TMEM168: variants seen among roughly 807,000 people sequenced by gnomAD.
TMEM168 encodes the protein transmembrane protein 168.
Under a neutral mutation model 53.2 loss-of-function variants are expected in TMEM168, and 40 were observed. The observed-to-expected ratio is 0.75, with a 90% CI of 0.58 to 0.98. The LOEUF is 0.98. TMEM168 is among the 50% of genes least tolerant of loss of function. The pLI is 0.00. For missense variants in TMEM168, 771 were observed against 828.8 expected (o/e 0.93, Z 0.86); for synonymous variants, 282 against 293.0 (o/e 0.96, Z 0.38).
intron 1 of TMEM168, among the ~76,000 whole-genome samples, chr7:112,787,432 T>A (rs1463369644): frequency 6.6e-6 from 1 of 152,032 alleles, no homozygotes; most frequent in African/African-American, 2.4e-5. Context: ...CAGGCTGGAG[T>A]GCAATGGCAG....
At chr7:112,781,834 A>G (rs570677529) in intron 2 of TMEM168, among the ~76,000 whole-genome samples, 1 of 152,288 alleles carries the variant, frequency 6.6e-6, no homozygotes, top group South Asian at 2.1e-4. Context: ...GAATTCTTAG[A>G]TAAGATACTA....
rs1792699732 is a variant in TMEM168, at chr7:112,763,160, CTA to C, written c.*4035_*4036del. On this transcript the variant is annotated 3_prime_UTR_variant, in exon 5 of 5. Transcript: ENST00000312814. ...AAAAGCCATTTTTTGGCAACATCAGCTATGTTTTCATTCAAACCAGTTCTGAA... is the reference window on the plus strand; with the variant it reads ...AAAAGCCATTTTTTGGCAACATCAGCTGTTTTCATTCAAACCAGTTCTGAA... The C allele has an allele frequency of 6.6e-6, 1 of 152,076 alleles. No individual in the cohort carries two copies. The highest frequency in any genetic ancestry group is 2.4e-5 in the African/African-American group (1 of 41,438). 9.4% of individuals were successfully genotyped at this position (152,076 alleles called of 1,614,324 possible).
At position 112,765,628 on chromosome 7, in the gene TMEM168, G is replaced by A. The variant is rs952082599; in HGVS notation, c.*1569C>T. On this transcript the variant is annotated 3_prime_UTR_variant, in exon 5 of 5. Coordinates refer to ENST00000312814, the MANE Select transcript of TMEM168 (RefSeq NM_022484.6). ...CTAATATAAATCCTTAACCTATAATGGAAACTTCCAAACATGAACTCTAAA... is the reference window on the plus strand; with the variant it reads ...CTAATATAAATCCTTAACCTATAATAGAAACTTCCAAACATGAACTCTAAA... The A allele has an allele frequency of 6.6e-6, 1 of 151,808 alleles. No homozygotes were observed. The highest frequency in any genetic ancestry group is 2.4e-5 in the African/African-American group (1 of 41,298). 9.4% of individuals were successfully genotyped at this position (151,808 alleles called of 1,614,324 possible).
At position 112,775,274 on chromosome 7, in the gene TMEM168, T is replaced by A. The variant is rs147011411; in HGVS notation, c.1173A>T (p.Pro391=). 1 of 1,613,566 alleles carries A rather than the reference T, an allele frequency of 6.2e-7. No homozygotes were observed. The highest frequency in any genetic ancestry group is 8.5e-7 in the Non-Finnish European group (1 of 1,179,816). The change falls in exon 3 of 5, where the codon CCA becomes CCT. Residue 391 remains proline (P), a synonymous_variant. Transcript: ENST00000312814. ...IFLSMFLIVL[P]LESMAHGLFH... Reference sequence around the variant, plus strand: ...AGAGCCCATGAGCCATGGATTCCAATGGCAAAACGATTAGAAACATGCTCA... The same window carrying A: ...AGAGCCCATGAGCCATGGATTCCAAAGGCAAAACGATTAGAAACATGCTCA...
In TMEM168 at chr7:112,764,953, G is replaced by A. The variant is rs147372216; in HGVS notation, c.*2244C>T. On this transcript the variant is annotated 3_prime_UTR_variant, in exon 5 of 5. Coordinates refer to ENST00000312814, the MANE Select transcript of TMEM168 (RefSeq NM_022484.6). ...GCCTCCCAAGTAGCTGGGATTACAG[G>A]CACCTGCCACCATGCCCGGCTAATA... 0.014 allele frequency: 2,127 copies of A among 152,292 alleles called. 26 individuals are homozygous for A. Among genetic ancestry groups the A allele is most frequent in the Non-Finnish European group, 0.021 (1,443 of 68,108 alleles). 9.4% of individuals were successfully genotyped at this position (152,292 alleles called of 1,614,324 possible).
At chr7:112,786,112 G>C (rs1331641282) in intron 1 of TMEM168, among the ~76,000 whole-genome samples, 1 of 152,188 alleles carries the variant, frequency 6.6e-6, no homozygotes, top group Non-Finnish European at 1.5e-5. Context: ...TGAGACAGGA[G>C]AATCGCTTGA....
rs778988222 is a variant in TMEM168, at chr7:112,772,907, A to G, written c.1420T>C (p.Phe474Leu). The G allele has an allele frequency of 3.1e-6, 5 of 1,614,110 alleles. No individual in the cohort carries two copies. The South Asian group carries it at 5.5e-5, about 18-fold the overall frequency. The part of the protein sequence containing the change: ...GCDYSTSGLS[F>L]DTLHSKLKAF... The stretch of plus-strand genomic sequence containing the variant: ...TTTAGTTTGGAATGCAGAGTATCAA[A>G]TGACAGTCCACTTGTGGAATAGTCA... The change falls in exon 4 of 5, where the codon TTT becomes CTT. Residue 474 changes from phenylalanine to leucine, a missense_variant. Physicochemically the swap from Phe to Leu is conservative, Grantham distance 22. Transcript: ENST00000312814.
intron 2 of TMEM168, among the ~76,000 whole-genome samples, chr7:112,777,884 T>C (rs1314185391): frequency 7.0e-6 from 1 of 142,576 alleles, no homozygotes; most frequent in Non-Finnish European, 1.5e-5. Flanking sequence ...TTGCTCTTGG[T>C]GCTGTGTGTG....
At chr7:112,774,646 T>C (rs1293864278) in intron 3 of TMEM168, among the ~76,000 whole-genome samples, 1 of 151,648 alleles carries the variant, frequency 6.6e-6, no homozygotes, top group Non-Finnish European at 1.5e-5. Context: ...AATGGCCCTA[T>C]CTCAGCTCAC....
chr7:112,776,377 A>G (rs1394459844), intron 2 of TMEM168, among the ~76,000 whole-genome samples: 1 of 152,080 alleles, frequency 6.6e-6, no homozygotes, highest in Non-Finnish European at 1.5e-5. Context: ...TGAAAAGAAA[A>G]TGGATAGTCA....
chr7:112,788,101 C>T (rs562160359), intron 1 of TMEM168, among the ~76,000 whole-genome samples: 6 of 152,220 alleles, frequency 3.9e-5, no homozygotes, highest in African/African-American at 1.4e-4. Context: ...TTCCTTTTTG[C>T]AGGCATCCAA....
At chr7:112,788,891 T>C (rs895068052) in intron 1 of TMEM168, among the ~76,000 whole-genome samples, 1 of 151,792 alleles carries the variant, frequency 6.6e-6, no homozygotes, top group Non-Finnish European at 1.5e-5. Flanking sequence ...ACTCTTGCCC[T>C]CTCTAAGAAG....
At chr7:112,774,055 G>A (rs746599533) in intron 3 of TMEM168, among the ~76,000 whole-genome samples, 76 of 152,090 alleles carry the variant, frequency 5.0e-4, no homozygotes, top group Non-Finnish European at 9.6e-4. Flanking sequence ...TCTATTTGGA[G>A]ATTTTTATGT....
chr7:112,768,977 A>G (rs60610454), intron 4 of TMEM168, among the ~76,000 whole-genome samples: 2,329 of 152,252 alleles, frequency 0.015, 53 homozygotes, highest in African/African-American at 0.052. Flanking sequence ...AACAGCAGCT[A>G]TTGCTGGGTG....
At chr7:112,770,294 G>C (rs1174851981) in intron 4 of TMEM168, among the ~76,000 whole-genome samples, 1 of 152,186 alleles carries the variant, frequency 6.6e-6, no homozygotes, top group Non-Finnish European at 1.5e-5. Context: ...ATGCATGACA[G>C]TATGCAGTTG....
chr7:112,780,060 A>G (rs1447504665), intron 2 of TMEM168, among the ~76,000 whole-genome samples: 1 of 152,252 alleles, frequency 6.6e-6, no homozygotes, highest in Non-Finnish European at 1.5e-5. Flanking sequence ...TAAGAACATT[A>G]TGAAGGCTAC....
rs779054316 is a variant in TMEM168, at chr7:112,773,064, G to C, written c.1272-9C>G. 6.3e-6 allele frequency: 10 copies of C among 1,580,012 alleles called. No individual in the cohort carries two copies. The highest frequency in any genetic ancestry group is 2.3e-5 in the East Asian group (1 of 44,346). ...TTGGCTGACCATCAGGACTGAAGTA[G>C]GAGAAAAAACAAGAAGTACTCATTC... On this transcript the variant is annotated splice_polypyrimidine_tract_variant and intron_variant, in intron 3 of 4. Coordinates refer to ENST00000312814, the MANE Select transcript of TMEM168 (RefSeq NM_022484.6).
At position 112,764,483 on chromosome 7, in the gene TMEM168, C is replaced by A. The variant is rs1349882305; in HGVS notation, c.*2714G>T. On this transcript the variant is annotated 3_prime_UTR_variant, in exon 5 of 5. Coordinates refer to ENST00000312814, the MANE Select transcript of TMEM168 (RefSeq NM_022484.6). Reference sequence around the variant, plus strand: ...CTTCTTGTAATATTTCTTTTCTACACCCTTATTATTTTTTTTGTTTGTTTC... The same window carrying A: ...CTTCTTGTAATATTTCTTTTCTACAACCTTATTATTTTTTTTGTTTGTTTC... 6.6e-6 allele frequency: 1 copy of A among 151,412 alleles called. No individual in the cohort carries two copies. Among genetic ancestry groups the A allele is most frequent in the Non-Finnish European group, 1.5e-5 (1 of 67,894 alleles). The allele number at this position is 151,412 out of a possible 1,614,324, so 9.4% of individuals were successfully genotyped here. A position where few individuals can be genotyped will look rare whatever the true frequency, so the allele number is the denominator to read the frequency against.
chr7:112,776,217 A>AT (rs1793079001), intron 2 of TMEM168, among the ~76,000 whole-genome samples: 1 of 151,782 alleles, frequency 6.6e-6, no homozygotes, highest in African/African-American at 2.4e-5. Context: ...AACTCTCTAG[A>AT]TGTGCAATCA....
Sources: gnomAD v4.1 joint callset for allele counts (sites outside exome capture counted in the v4.1 genomes callset) on GRCh38, gnomAD v4.1.1 for gene constraint, MANE v1.5 for transcripts, NCBI Gene and HGNC (gene_info 2026-07-23, HGNC 2026-07-21) for gene names.